The following NACC1 variants were observed in gnomAD, a reference collection of about 807,000 sequenced individuals.
NACC1 encodes nucleus accumbens-associated protein 1.
A neutral mutation model predicts 41.7 loss-of-function variants in NACC1; 6 were observed. That is an observed-to-expected ratio of 0.14 (90% CI 0.08 to 0.28). The LOEUF (loss-of-function observed/expected upper bound fraction) is 0.28, where lower values mean the gene tolerates loss of function less well. Among genes scored for constraint, NACC1 ranks in the 10% least tolerant of loss-of-function variants. NACC1 has a pLI of 1.00. For synonymous variants in NACC1, 338 were observed against 330.6 expected, an observed-to-expected ratio of 1.02 and a Z score of -0.24; for missense variants, 434 against 763.7, an observed-to-expected ratio of 0.57 and a Z score of 5.09.
rs577203890 is a variant in NACC1 at position 13,136,579 on chromosome 19, C to G, written c.1120+174C>G. 6.6e-6 allele frequency among the ~76,000 whole-genome samples: 1 copy of G among 152,198 alleles called. No homozygotes were observed. Among genetic ancestry groups the G allele is most frequent in the Non-Finnish European group, 1.5e-5 (1 of 68,032 alleles). The stretch of plus-strand genomic sequence containing the variant: ...CGTTGGTGAGATGGAGGAGCTGATA[C>G]AGCAAGGCCTGGCCTCTAGGTTTCT... On this transcript the variant is annotated intron_variant, in intron 3 of 5. Transcript: ENST00000292431. The surrounding 1 kb of genome is among the most constrained non-coding windows in gnomAD (Gnocchi z 5.5).
chr19:13,127,710 TG>T (rs1032238040), intron 1 of NACC1, among the ~76,000 whole-genome samples: 11 of 149,032 alleles, frequency 7.4e-5, no homozygotes, highest in African/African-American at 2.7e-4. Context: ...AAAAATTAGC[TG>T]GATGTAGCTC....
chr19:13,123,595 G>A (rs2019526674), intron 1 of NACC1, among the ~76,000 whole-genome samples: 1 of 152,246 alleles, frequency 6.6e-6, no homozygotes, highest in Admixed American at 6.5e-5. Flanking sequence ...GGATTAGAGA[G>A]AGGGCACCCC....
In NACC1 at chr19:13,137,408, G is replaced by T. The variant is rs200105986; in HGVS notation, c.1226+32G>T. The T allele has an allele frequency of 1.1e-4, 174 of 1,564,166 alleles. No homozygotes were observed. The highest frequency in any genetic ancestry group is 1.5e-4 in the Non-Finnish European group (168 of 1,135,562). On this transcript the variant is annotated intron_variant, in intron 4 of 5. Coordinates refer to ENST00000292431, the MANE Select transcript of NACC1 (RefSeq NM_052876.4). The surrounding 1 kb of genome is among the most constrained non-coding windows in gnomAD (Gnocchi z 6.1). Reference sequence around the variant, plus strand: ...CCCTTGCCAGAGCCCCAGGGAGGGGGGTGGGGTTTCCCCATGTCCCCCCCA... The same window carrying T: ...CCCTTGCCAGAGCCCCAGGGAGGGGTGTGGGGTTTCCCCATGTCCCCCCCA...
rs1184690789 is a variant in NACC1, at chr19:13,140,776, C to T, written c.*2370C>T. 1 of 153,050 alleles carries T rather than the reference C, an allele frequency of 6.5e-6. No homozygotes were observed. Among genetic ancestry groups the T allele is most frequent in the Non-Finnish European group, 1.5e-5 (1 of 68,498 alleles). 9.5% of individuals were successfully genotyped at this position (153,050 alleles called of 1,614,324 possible). Reference sequence around the variant, plus strand: ...ACCCTCCACCCCTACCCCTGGGCGGCCTGCTGCTTTTTCCTTCTCTTCCTC... The same window carrying T: ...ACCCTCCACCCCTACCCCTGGGCGGTCTGCTGCTTTTTCCTTCTCTTCCTC... On this transcript the variant is annotated 3_prime_UTR_variant, in exon 6 of 6. Coordinates refer to ENST00000292431, the MANE Select transcript of NACC1 (RefSeq NM_052876.4). The surrounding 1 kb of genome is among the most constrained non-coding windows in gnomAD (Gnocchi z 4.0).
chr19:13,136,550 G>A lies in NACC1; in HGVS notation c.1120+145G>A, dbSNP rs954674230. Reference sequence around the variant, plus strand: ...GTTGGTAACAGCCACCCTAAGGGTGGGGGCGTTGGTGAGATGGAGGAGCTG... The same window carrying A: ...GTTGGTAACAGCCACCCTAAGGGTGAGGGCGTTGGTGAGATGGAGGAGCTG... On this transcript the variant is annotated intron_variant, in intron 3 of 5. Coordinates refer to ENST00000292431, the MANE Select transcript of NACC1 (RefSeq NM_052876.4). This position sits in a 1 kb window ranked among gnomAD's most constrained non-coding sequence, Gnocchi z 5.5. The A allele has an allele frequency of 1.0e-5, 10 of 1,000,448 alleles. No individual in the cohort carries two copies. Among genetic ancestry groups the A allele is most frequent in the Non-Finnish European group, 1.4e-5 (10 of 706,066 alleles). 62.0% of individuals were successfully genotyped at this position (1,000,448 alleles called of 1,614,324 possible). A position where few individuals can be genotyped will look rare whatever the true frequency, so the allele number is the denominator to read the frequency against.
chr19:13,137,550 C>T lies in NACC1; in HGVS notation c.1299C>T (p.Asp433=), dbSNP rs960473471. 1.9e-6 allele frequency: 3 copies of T among 1,561,610 alleles called. No homozygotes were observed. The highest frequency in any genetic ancestry group is 1.2e-5 in the South Asian group (1 of 85,360). ...STNDPRRKPL[D]SRVLHAVKYY... ...ACGATCCCCGTCGGAAGCCCCTGGA[C>T]AGCCGCGTGCTCCACGCTGTCAAGT... The change falls in exon 5 of 6, where the codon GAC becomes GAT. Residue 433 remains aspartate (D), a synonymous_variant. Transcript: ENST00000292431. This position sits in a 1 kb window ranked among gnomAD's most constrained non-coding sequence, Gnocchi z 6.1.
rs1234882357 is a variant in NACC1 at position 13,135,372 on chromosome 19, C to T, written c.165C>T (p.Phe55=). 6.8e-6 allele frequency: 11 copies of T among 1,613,558 alleles called. No homozygotes were observed. Among genetic ancestry groups the T allele is most frequent in the Non-Finnish European group, 9.3e-6 (11 of 1,180,044 alleles). The change falls in exon 2 of 6, where the codon TTC becomes TTT. Residue 55 remains phenylalanine (F), a synonymous_variant. Coordinates refer to ENST00000292431, the MANE Select transcript of NACC1 (RefSeq NM_052876.4). ...TGCTTGCTGCCAGCAGCTCCTACTT[C>T]CGGGACCTGTTCAACAACAGCCGCA... ...RAVLAASSSY[F]RDLFNNSRSA...
At chr19:13,120,000 A>G (rs931002336) in intron 1 of NACC1, among the ~76,000 whole-genome samples, 2 of 152,180 alleles carry the variant, frequency 1.3e-5, no homozygotes, top group Admixed American at 6.5e-5. Context: ...TAGTCACTCA[A>G]GTGGCCTTCC....
At chr19:13,120,067 G>A (rs1008733391) in intron 1 of NACC1, among the ~76,000 whole-genome samples, 2 of 152,136 alleles carry the variant, frequency 1.3e-5, no homozygotes, top group African/African-American at 4.8e-5. Context: ...GTTCTCCTCC[G>A]TCCAGGCCTT....
At chr19:13,130,722 G>A (rs959682479) in intron 1 of NACC1, among the ~76,000 whole-genome samples, 1 of 151,870 alleles carries the variant, frequency 6.6e-6, no homozygotes, top group Non-Finnish European at 1.5e-5. Context: ...TTTTAGTAGA[G>A]ACGGGGTTTC....
intron 1 of NACC1, among the ~76,000 whole-genome samples, chr19:13,129,382 TG>T (rs2019603341): frequency 2.0e-5 from 3 of 152,036 alleles, no homozygotes; most frequent in Non-Finnish European, 4.4e-5. Context: ...GGGGCTAGCG[TG>T]GGTGAGGGCT....
chr19:13,135,711 G>A lies in NACC1; in HGVS notation c.504G>A (p.Thr168=), dbSNP rs749471205. The change falls in exon 2 of 6, where the codon ACG becomes ACA. Residue 168 remains threonine, a synonymous_variant. Coordinates refer to ENST00000292431, the MANE Select transcript of NACC1 (RefSeq NM_052876.4). ...TGCCCCTCGTGTCGCGGGTGAAGACGGAGCAGCAGGAGTCGGACTCCGTGC... is the reference window on the plus strand; with the variant it reads ...TGCCCCTCGTGTCGCGGGTGAAGACAGAGCAGCAGGAGTCGGACTCCGTGC... ...TPLPLVSRVK[T]EQQESDSVQC... The A allele has an allele frequency of 5.6e-5, 87 of 1,553,470 alleles. No homozygotes were observed. The highest frequency in any genetic ancestry group is 2.1e-4 in the Admixed American group (11 of 51,302).
At chr19:13,127,073 T>G (rs1010260570) in intron 1 of NACC1, among the ~76,000 whole-genome samples, 29 of 151,566 alleles carry the variant, frequency 1.9e-4, no homozygotes, top group African/African-American at 7.0e-4. Context: ...TCGTCTCTAT[T>G]ACTAAAAAAT....
chr19:13,117,436 A>C (rs2019401233), upstream of NACC1: 1 of 152,260 alleles, frequency 6.6e-6, no homozygotes, highest in African/African-American at 2.4e-5. Context: ...GCATCATAAA[A>C]GTCTTAGGTC....
chr19:13,136,702 G>A lies in NACC1; in HGVS notation c.1120+297G>A, dbSNP rs1165112205. On this transcript the variant is annotated intron_variant, in intron 3 of 5. Coordinates refer to ENST00000292431, the MANE Select transcript of NACC1 (RefSeq NM_052876.4). The surrounding 1 kb of genome is among the most constrained non-coding windows in gnomAD (Gnocchi z 5.5). ...CCTGTGAAGGCCAGCTACTACCTAG[G>A]TTAGGAATTTGGACAGTCACAGGGG... 2.0e-5 allele frequency among the ~76,000 whole-genome samples: 3 copies of A among 152,168 alleles called. No homozygotes were observed. Among genetic ancestry groups the A allele is most frequent in the Non-Finnish European group, 4.4e-5 (3 of 68,028 alleles).
At position 13,135,777 on chromosome 19, in the gene NACC1, G is replaced by T; in HGVS notation, c.570G>T (p.Gln190His). ...PVAKRLWDSG[Q>H]KEAGGGGNGS... ...CCAAGCGGCTGTGGGACAGTGGCCA[G>T]AAGGAGGCTGGGGGCGGCGGCAATG... The change falls in exon 2 of 6, where the codon CAG (glutamine) becomes CAT (histidine). Residue 190 changes from glutamine to histidine, a missense_variant. Transcript: ENST00000292431. The T allele has an allele frequency of 6.4e-7, 1 of 1,559,480 alleles. No individual in the cohort carries two copies. The highest frequency in any genetic ancestry group is 2.3e-5 in the East Asian group (1 of 42,732).
intron 1 of NACC1, among the ~76,000 whole-genome samples, chr19:13,131,402 G>A (rs1379794359): frequency 6.6e-6 from 1 of 152,190 alleles, no homozygotes; most frequent in East Asian, 1.9e-4. Context: ...TCCTTGTCAT[G>A]TGGGCCCCAG....
intron 1 of NACC1, among the ~76,000 whole-genome samples, chr19:13,130,598 C>T (rs1294425421): frequency 6.9e-6 from 1 of 145,316 alleles, no homozygotes; most frequent in Non-Finnish European, 1.5e-5. Flanking sequence ...TGTAGTGACT[C>T]GATCTCAGCT....
Position 13,137,119 on chromosome 19 carries a change from A to C in NACC1, c.1121-152A>C. ...CCTCCCCTGACTGCCCTTGGTGGGTAGAGATGTAGGGGAGAAGGTCCCTGG... is the reference window on the plus strand; with the variant it reads ...CCTCCCCTGACTGCCCTTGGTGGGTCGAGATGTAGGGGAGAAGGTCCCTGG... On this transcript the variant is annotated intron_variant, in intron 3 of 5. Transcript: ENST00000292431. The surrounding 1 kb of genome is among the most constrained non-coding windows in gnomAD (Gnocchi z 6.1). The C allele has an allele frequency of 3.0e-6, 2 of 670,930 alleles. No individual in the cohort carries two copies. The highest frequency in any genetic ancestry group is 5.2e-6 in the Non-Finnish European group (2 of 383,000). The allele number at this position is 670,930 out of a possible 1,614,324, so 41.6% of individuals were successfully genotyped here.
Sources: gnomAD v4.1 joint callset for allele counts (sites outside exome capture counted in the v4.1 genomes callset) on GRCh38, gnomAD v4.1.1 for gene constraint, Gnocchi (gnomAD v3.1) non-coding constraint, MANE v1.5 for transcripts, NCBI Gene and HGNC (gene_info 2026-07-23, HGNC 2026-07-21) for gene names.